ADAMTS3: variants seen among roughly 807,000 people sequenced by gnomAD.
The protein encoded by ADAMTS3 is ADAM metallopeptidase with thrombospondin type 1 motif 3, also known as A disintegrin and metalloproteinase with thrombospondin motifs 3.
ADAMTS3 carries 73 observed loss-of-function variants against 129.0 expected under a neutral mutation model. The ratio of observed to expected loss-of-function variants is 0.57; its 90% CI spans 0.47 to 0.69. The LOEUF is 0.69. Ranked by LOEUF, ADAMTS3 falls within the 30% of genes least tolerant of loss-of-function variation. The pLI is 0.00. For synonymous variants in ADAMTS3, 477 were observed against 510.8 expected, an observed-to-expected ratio of 0.93 and a Z score of 0.89; for missense variants, 1,457 against 1,514.5, an observed-to-expected ratio of 0.96 and a Z score of 0.63.
At chr4:72,514,979 T>C (rs887143401) in intron 3 of ADAMTS3, among the ~76,000 whole-genome samples, 16 of 152,054 alleles carry the variant, frequency 1.1e-4, no homozygotes, top group Non-Finnish European at 1.6e-4. Context: ...ATACTATCCC[T>C]CCCCGCTACC....
intron 3 of ADAMTS3, among the ~76,000 whole-genome samples, chr4:72,438,011 GTTTCT>G (rs1437437978): frequency 6.6e-6 from 1 of 151,576 alleles, no homozygotes; most frequent in Admixed American, 6.6e-5. Flanking sequence ...TTTTGTTGTT[GTTTCT>G]TTTGTGTTCT....
At chr4:72,439,286 C>CA (rs1278889464) in intron 3 of ADAMTS3, among the ~76,000 whole-genome samples, 2 of 151,486 alleles carry the variant, frequency 1.3e-5, no homozygotes, top group East Asian at 2.0e-4. Context: ...TGAGCAACAA[C>CA]AAAAAAGTAT....
At chr4:72,564,060 A>C (rs1721967611) in intron 2 of ADAMTS3, among the ~76,000 whole-genome samples, 1 of 152,148 alleles carries the variant, frequency 6.6e-6, no homozygotes, top group South Asian at 2.1e-4. Flanking sequence ...TATTTTTTTA[A>C]GATTGGGATG....
chr4:72,385,597 G>C (rs1007841369), intron 4 of ADAMTS3, among the ~76,000 whole-genome samples: 6 of 152,188 alleles, frequency 3.9e-5, no homozygotes, highest in African/African-American at 1.4e-4. Flanking sequence ...CTACAATACA[G>C]ATAGGTTGAA....
At chr4:72,368,729 T>C (rs1219697090) in intron 4 of ADAMTS3, among the ~76,000 whole-genome samples, 5 of 152,176 alleles carry the variant, frequency 3.3e-5, no homozygotes, top group African/African-American at 1.2e-4. Flanking sequence ...GAAACACATG[T>C]TTTAATTCTC....
intron 4 of ADAMTS3, among the ~76,000 whole-genome samples, chr4:72,407,605 C>T (rs1722081281): frequency 6.6e-6 from 1 of 152,056 alleles, no homozygotes; most frequent in African/African-American, 2.4e-5. Context: ...AGAACCAAGG[C>T]CTTCCACAGG....
At chr4:72,477,688 A>G (rs532695572) in intron 3 of ADAMTS3, among the ~76,000 whole-genome samples, 178 of 152,106 alleles carry the variant, frequency 1.2e-3, no homozygotes, top group Non-Finnish European at 1.8e-3. Context: ...AAATAACTAA[A>G]ATCAGAGCAG....
At chr4:72,335,545 C>T (rs1184424015) in intron 5 of ADAMTS3, among the ~76,000 whole-genome samples, 3 of 151,830 alleles carry the variant, frequency 2.0e-5, no homozygotes, top group South Asian at 2.1e-4. Context: ...ACAACTTAAA[C>T]GTTCTAAGCC....
chr4:72,383,216 T>A lies in ADAMTS3; in HGVS notation c.661+31599A>T, dbSNP rs114244894. On this transcript the variant is annotated intron_variant, in intron 4 of 21. Coordinates refer to ENST00000286657, the MANE Select transcript of ADAMTS3 (RefSeq NM_014243.3). ...TAAGTACTTCCTCTCCAACCAATCCTCTTGTAGATAACTATAAACACTAAA... is the reference window on the plus strand; with the variant it reads ...TAAGTACTTCCTCTCCAACCAATCCACTTGTAGATAACTATAAACACTAAA... Among the ~76,000 whole-genome samples the A allele has an allele frequency of 8.6e-3, 1,314 of 152,090 alleles. 24 individuals carry two copies. Among genetic ancestry groups the A allele is most frequent in the African/African-American group, 0.03 (1,246 of 41,482 alleles).
chr4:72,496,239 T>C (rs1719870280), intron 3 of ADAMTS3, among the ~76,000 whole-genome samples: 1 of 152,174 alleles, frequency 6.6e-6, no homozygotes, highest in Non-Finnish European at 1.5e-5. Context: ...GTAGTTCTTG[T>C]GTGGTTTTCT....
At position 72,414,945 on chromosome 4, in the gene ADAMTS3, T is replaced by G. The variant is rs374567996; in HGVS notation, c.531A>C (p.Glu177Asp). Residue 177 changes from glutamate to aspartate, a missense_variant, in exon 4 of 22, where the codon GAA becomes GAC. Physicochemically the swap from Glu to Asp is conservative, Grantham distance 45. Coordinates refer to ENST00000286657, the MANE Select transcript of ADAMTS3 (RefSeq NM_014243.3). Reference sequence around the variant, plus strand: ...TTTCCAAGGGTTCAATGAAATACTCTTCATTATCACTTTTTATCATTCCAG... The same window carrying G: ...TTTCCAAGGGTTCAATGAAATACTCGTCATTATCACTTTTTATCATTCCAG... ...GLAGMIKSDN[E>D]EYFIEPLERG... 9.7e-6 allele frequency: 15 copies of G among 1,550,912 alleles called. No individual in the cohort carries two copies. The Admixed American group carries it at 1.3e-4, about 13-fold the overall frequency.
chr4:72,488,471 A>C (rs1412957526), intron 3 of ADAMTS3, among the ~76,000 whole-genome samples: 1 of 151,974 alleles, frequency 6.6e-6, no homozygotes, highest in Non-Finnish European at 1.5e-5. Flanking sequence ...TCATGCTATC[A>C]GTTTTTGAAA....
intron 3 of ADAMTS3, among the ~76,000 whole-genome samples, chr4:72,541,575 T>C (rs1251810348): frequency 6.6e-6 from 1 of 152,226 alleles, no homozygotes; most frequent in Non-Finnish European, 1.5e-5. Flanking sequence ...AATCTCATTT[T>C]GATTTGTAGC....
At chr4:72,550,276 T>G (rs1219103351) in intron 2 of ADAMTS3, among the ~76,000 whole-genome samples, 1 of 151,974 alleles carries the variant, frequency 6.6e-6, no homozygotes, top group Non-Finnish European at 1.5e-5. Context: ...CATCCAATAA[T>G]GTATTTAGAG....
chr4:72,438,338 C>T (rs770128082), intron 3 of ADAMTS3, among the ~76,000 whole-genome samples: 1 of 151,656 alleles, frequency 6.6e-6, no homozygotes, highest in Non-Finnish European at 1.5e-5. Context: ...ATGTAGGCTA[C>T]ATTTCCAGTT....
intron 20 of ADAMTS3, 82 bp from the exon 21 acceptor site, chr4:72,288,950 A>T: frequency 1.3e-6 from 1 of 756,402 alleles, no homozygotes; most frequent in Non-Finnish European, 2.3e-6. Context: ...ACACACACAC[A>T]CACACACACA....
chr4:72,288,129 G>C (rs1464595698), intron 21 of ADAMTS3, among the ~76,000 whole-genome samples: 2 of 152,174 alleles, frequency 1.3e-5, no homozygotes, highest in African/African-American at 4.8e-5. Flanking sequence ...GCCTCCCAAA[G>C]TGCTGGGATT....
At chr4:72,371,178 C>T (rs1370171757) in intron 4 of ADAMTS3, among the ~76,000 whole-genome samples, 5 of 151,952 alleles carry the variant, frequency 3.3e-5, no homozygotes, top group Non-Finnish European at 7.4e-5. Flanking sequence ...TATTTCAGAC[C>T]TCTAGCCAAC....
chr4:72,290,992 G>T lies in ADAMTS3; in HGVS notation c.2794C>A (p.Arg932Ser). 1 of 1,614,036 alleles carries T rather than the reference G, an allele frequency of 6.2e-7. No homozygotes were observed. The highest frequency in any genetic ancestry group is 8.5e-7 in the Non-Finnish European group (1 of 1,179,976). The change falls in exon 20 of 22, where the codon CGC becomes AGC. Residue 932 changes from arginine (R) to serine (S), a missense_variant. By Grantham distance (110) the Arg-to-Ser change is moderately radical. Transcript: ENST00000286657. ...CCATCAAGGAGTGGCTGAAGGCAGC[G>T]TACAGTGCGAAGCTGATAGCCAGAA... ...GSSGYQLRTV[R>S]CLQPLLDGTN...
Sources: gnomAD v4.1 joint callset for allele counts (sites outside exome capture counted in the v4.1 genomes callset) on GRCh38, gnomAD v4.1.1 for gene constraint, MANE v1.5 for transcripts, NCBI Gene and HGNC (gene_info 2026-07-23, HGNC 2026-07-21) for gene names.